The following NRDC variants were observed in gnomAD, a reference collection of about 807,000 sequenced individuals.
NRDC encodes nardilysin convertase.
A neutral mutation model predicts 147.1 loss-of-function variants in NRDC; 54 were observed. The ratio of observed to expected loss-of-function variants is 0.37; its 90% CI spans 0.29 to 0.46. The LOEUF is 0.46. Among genes scored for constraint, NRDC ranks in the 20% least tolerant of loss-of-function variants. NRDC has a pLI of 1.00. For synonymous variants in NRDC, 440 were observed against 482.1 expected, an observed-to-expected ratio of 0.91 and a Z score of 1.14; for missense variants, 1,082 against 1,370.6, an observed-to-expected ratio of 0.79 and a Z score of 3.33.
At position 51,823,757 on chromosome 1, in the gene NRDC, T is replaced by C; in HGVS notation, c.1066A>G (p.Arg356Gly). ...GNAETLKHEPRKNNIDTHARL... is the reference protein window; with the variant it reads ...GNAETLKHEPGKNNIDTHARL... ...GCATGTGTATCAATATTATTCTTTC[T>C]TGGCTCATGCTTGAGCGTCTCAGCA... Residue 356 changes from arginine (R) to glycine (G), a missense_variant, in exon 7 of 31, where the codon AGA becomes GGA. Arg to Gly is a moderately radical substitution (Grantham distance 125). Transcript: ENST00000352171. The C allele has an allele frequency of 6.2e-7, 1 of 1,607,316 alleles. No homozygotes were observed. The highest frequency in any genetic ancestry group is 8.5e-7 in the Non-Finnish European group (1 of 1,174,878).
intron 4 of NRDC, among the ~76,000 whole-genome samples, chr1:51,833,552 T>C (rs1680813655): frequency 6.6e-6 from 1 of 151,840 alleles, no homozygotes; most frequent in South Asian, 2.1e-4. Flanking sequence ...AAAGACTATA[T>C]ATAATAGAAC....
Position 51,818,010 on chromosome 1 carries a change from T to C in NRDC, c.1361+56A>G, listed in dbSNP as rs968470422. The stretch of plus-strand genomic sequence containing the variant: ...CCCAAACTTAAACCATTTAGCATGC[T>C]TTAAAAATTACTCTCACTTGGTTCT... On this transcript the variant is annotated intron_variant, in intron 10 of 30. Coordinates refer to ENST00000352171, the MANE Select transcript of NRDC (RefSeq NM_001101662.2). The C allele has an allele frequency of 9.7e-6, 13 of 1,338,456 alleles. No homozygotes were observed. In the Admixed American group the frequency reaches 2.5e-4, roughly 25 times the overall value. 82.9% of individuals were successfully genotyped at this position (1,338,456 alleles called of 1,614,324 possible). A position where few individuals can be genotyped will look rare whatever the true frequency, so the allele number is the denominator to read the frequency against.
intron 1 of NRDC, chr1:51,862,188 C>A (rs1261186128): frequency 1.3e-5 from 2 of 152,024 alleles, no homozygotes; most frequent in African/African-American, 4.8e-5. Context: ...TAAATTTTGT[C>A]CTGCTTGGGT....
chr1:51,790,817 A>T, intron 28 of NRDC, 83 bp downstream of exon 28: 5 of 1,212,438 alleles, frequency 4.1e-6, no homozygotes, highest in Non-Finnish European at 6.0e-6. Context: ...AAAGCTCAAA[A>T]ACTGGCCGGC....
chr1:51,819,433 C>T (rs564770472), intron 9 of NRDC, among the ~76,000 whole-genome samples: 4 of 152,114 alleles, frequency 2.6e-5, no homozygotes, highest in East Asian at 1.9e-4. Flanking sequence ...TAAAAGGAAA[C>T]GATTGCCAAA....
At chr1:51,857,562 G>A (rs571944706) in intron 1 of NRDC, among the ~76,000 whole-genome samples, 2 of 152,336 alleles carry the variant, frequency 1.3e-5, no homozygotes, top group African/African-American at 2.4e-5. Flanking sequence ...CTTTCTGGAA[G>A]CAACTGATAT....
At chr1:51,822,829 C>T (rs990862462) in intron 7 of NRDC, among the ~76,000 whole-genome samples, 8 of 152,144 alleles carry the variant, frequency 5.3e-5, no homozygotes, top group Admixed American at 3.9e-4. Flanking sequence ...CTTTAGTGAA[C>T]TCATTTTGAT....
chr1:51,842,497 C>T (rs1259149270), intron 1 of NRDC, among the ~76,000 whole-genome samples: 1 of 151,978 alleles, frequency 6.6e-6, no homozygotes, highest in African/African-American at 2.4e-5. Flanking sequence ...GGAAGCAATC[C>T]AAGTCTACTG....
At chr1:51,811,026 C>T (rs903338763) in intron 15 of NRDC, among the ~76,000 whole-genome samples, 1 of 152,140 alleles carries the variant, frequency 6.6e-6, no homozygotes, top group East Asian at 1.9e-4. Flanking sequence ...AAGGACTAAA[C>T]AGAATTTTGT....
intron 2 of NRDC, among the ~76,000 whole-genome samples, chr1:51,838,424 C>G (rs137870192): frequency 6.6e-6 from 1 of 152,014 alleles, no homozygotes; most frequent in Non-Finnish European, 1.5e-5. Flanking sequence ...ATTTAAAATG[C>G]CTGTCGAGAC....
chr1:51,823,580 G>A, intron 7 of NRDC, 84 bp downstream of exon 7: 1 of 1,008,754 alleles, frequency 9.9e-7, no homozygotes, highest in Non-Finnish European at 1.4e-6. Context: ...GTAATTAATA[G>A]TACACTACAA....
chr1:51,861,558 C>T (rs1452046496), intron 1 of NRDC, among the ~76,000 whole-genome samples: 1 of 151,774 alleles, frequency 6.6e-6, no homozygotes, highest in African/African-American at 2.4e-5. Context: ...GTTGCCCAGG[C>T]TGGTCCTGAA....
chr1:51,865,280 G>A (rs1333907882), intron 1 of NRDC, among the ~76,000 whole-genome samples: 1 of 150,702 alleles, frequency 6.6e-6, no homozygotes, highest in African/African-American at 2.4e-5. Context: ...GTAATAAGGG[G>A]AAATACAAAT....
chr1:51,864,995 T>C (rs967990361), intron 1 of NRDC, among the ~76,000 whole-genome samples: 1 of 149,820 alleles, frequency 6.7e-6, no homozygotes, highest in East Asian at 1.9e-4. Context: ...AAAACTATAA[T>C]AAAATTTTTA....
intron 1 of NRDC, among the ~76,000 whole-genome samples, chr1:51,875,148 T>C (rs1279655997): frequency 6.6e-6 from 1 of 152,190 alleles, no homozygotes; most frequent in Admixed American, 6.5e-5. Flanking sequence ...GTTACAAAAA[T>C]TCATAGAATT....
chr1:51,836,137 C>A lies in NRDC; in HGVS notation c.706G>T (p.Glu236Ter). ...ATATTTTACAAATTCTTACTGTGCT[C>A]CAAAAAGTGTGCCAGCCCCGGCAGG... ...DDLPGLAHFL[E>*]HMVFMGSLKY... The change falls in exon 3 of 31, where the codon GAG (glutamate) becomes TAG (stop). Residue 236 changes from glutamate (E) to a stop codon, truncating the protein, a stop_gained. Transcript: ENST00000352171. LOFTEE classifies it high-confidence loss of function. 1 of 1,613,920 alleles carries A rather than the reference C, an allele frequency of 6.2e-7. No homozygotes were observed. Among genetic ancestry groups the A allele is most frequent in the Non-Finnish European group, 8.5e-7 (1 of 1,179,882 alleles).
intron 20 of NRDC, among the ~76,000 whole-genome samples, chr1:51,803,465 T>C (rs1375773661): frequency 9.7e-6 from 1 of 103,576 alleles, no homozygotes; most frequent in Non-Finnish European, 1.9e-5. Flanking sequence ...ATGGAGTGAG[T>C]ATCTGTCTCA....
chr1:51,847,381 C>A (rs1681694836), intron 1 of NRDC, among the ~76,000 whole-genome samples: 1 of 152,260 alleles, frequency 6.6e-6, no homozygotes, highest in Admixed American at 6.5e-5. Context: ...TGCGCCCGCA[C>A]TCCTCAGCCC....
At chr1:51,857,664 G>C (rs1227064403) in intron 1 of NRDC, among the ~76,000 whole-genome samples, 1 of 152,168 alleles carries the variant, frequency 6.6e-6, no homozygotes, top group Admixed American at 6.6e-5. Context: ...GGGTTTGGAA[G>C]TCACAACAGA....
Sources: allele counts gnomAD v4.1 joint callset (sites outside exome capture counted in the v4.1 genomes callset), GRCh38; gene constraint gnomAD v4.1.1; transcripts MANE v1.5; gene names NCBI Gene and HGNC (gene_info 2026-07-23, HGNC 2026-07-21).